Variants in CENPE observed in about 807,000 individuals in gnomAD.
CENPE encodes the protein centromere protein E.
CENPE carries 145 observed loss-of-function variants against 336.1 expected under a neutral mutation model. That is an observed-to-expected ratio of 0.43 (90% CI 0.38 to 0.50). The LOEUF is 0.50. CENPE is among the 20% of genes least tolerant of loss of function. The pLI, the probability that CENPE is intolerant of heterozygous loss-of-function variation, is 0.00. For missense variants in CENPE, 2,719 were observed against 3,023.3 expected, an observed-to-expected ratio of 0.90 and a Z score of 2.36; for synonymous variants, 1,013 against 984.8, an observed-to-expected ratio of 1.03 and a Z score of -0.54.
chr4:103,154,610 A>G (rs935437924), intron 24 of CENPE, among the ~76,000 whole-genome samples: 1 of 152,194 alleles, frequency 6.6e-6, no homozygotes, highest in Admixed American at 6.5e-5. Flanking sequence ...AGAATCTCAT[A>G]TCTTTCAAAT....
intron 8 of CENPE, among the ~76,000 whole-genome samples, chr4:103,187,783 A>G (rs1756923564): frequency 6.6e-6 from 1 of 152,230 alleles, no homozygotes; most frequent in South Asian, 2.1e-4. Flanking sequence ...GACAGGATCA[A>G]ATTCACACAT....
chr4:103,180,503 A>C (rs1756241725), intron 12 of CENPE, 34 bp from the exon 13 acceptor site: 1 of 1,474,440 alleles, frequency 6.8e-7, no homozygotes, highest in Admixed American at 2.0e-5. Context: ...TGTTAATAAT[A>C]AATGTGGCTA....
chr4:103,114,061 T>A (rs1228112639), intron 46 of CENPE, among the ~76,000 whole-genome samples: 2 of 152,152 alleles, frequency 1.3e-5, no homozygotes, highest in African/African-American at 4.8e-5. Flanking sequence ...AGTATTTATT[T>A]TTACTGTACA....
intron 46 of CENPE, among the ~76,000 whole-genome samples, chr4:103,113,774 G>C (rs1391253155): frequency 6.7e-6 from 1 of 149,554 alleles, no homozygotes; most frequent in Non-Finnish European, 1.5e-5. Flanking sequence ...TTATAAGTTA[G>C]AAGGTCAGGT....
At chr4:103,140,702 A>C in intron 36 of CENPE, 112 bp downstream of exon 36, 1 of 830,106 alleles carries the variant, frequency 1.2e-6, no homozygotes, top group East Asian at 2.5e-5. Flanking sequence ...TTATTGGTGG[A>C]CACTTAGATT....
At position 103,163,348 on chromosome 4, in the gene CENPE, T is replaced by C. The variant is rs768558555; in HGVS notation, c.1723-92A>G. The C allele has an allele frequency of 5.8e-4, 752 of 1,305,656 alleles. 2 individuals carry two copies. Among genetic ancestry groups the C allele is most frequent in the Non-Finnish European group, 7.3e-4 (687 of 939,294 alleles). The allele number at this position is 1,305,656 out of a possible 1,614,324, so 80.9% of individuals were successfully genotyped here. A position where few individuals can be genotyped will look rare whatever the true frequency, so the allele number is the denominator to read the frequency against. ...ACTTATATATATTAGTTTAAATTCA[T>C]AGTAAAATTCAAAGTCACTAATATT... On this transcript the variant is annotated intron_variant, in intron 17 of 48. Transcript: ENST00000265148.
At chr4:103,188,552 T>C (rs1244392691) in intron 8 of CENPE, among the ~76,000 whole-genome samples, 3 of 152,128 alleles carry the variant, frequency 2.0e-5, no homozygotes, top group Admixed American at 6.5e-5. Context: ...ACTGGGTACA[T>C]AACAAAATGA....
At chr4:103,153,277 A>C (rs1753707732) in intron 24 of CENPE, 27 bp from the exon 25 acceptor site, 3 of 1,476,926 alleles carry the variant, frequency 2.0e-6, no homozygotes. Context: ...TTACAGAAGA[A>C]TTTCTTAAGT....
At chr4:103,168,241 G>T (rs537989483) in intron 16 of CENPE, among the ~76,000 whole-genome samples, 8 of 152,096 alleles carry the variant, frequency 5.3e-5, no homozygotes, top group Admixed American at 1.3e-4. Context: ...GCTGCAGTCA[G>T]GAAGCTATCT....
chr4:103,185,935 T>C (rs1418484865), intron 8 of CENPE, 74 bp from the exon 9 acceptor site: 1 of 953,058 alleles, frequency 1.0e-6, no homozygotes, highest in African/African-American at 1.6e-5. Context: ...TGAAAGAACA[T>C]TTTTAATACA....
At chr4:103,188,594 T>C (rs181506525) in intron 8 of CENPE, among the ~76,000 whole-genome samples, 24,379 of 151,898 alleles carry the variant, frequency 0.16, 2,331 homozygotes, top group Non-Finnish European at 0.2. Context: ...TTGAAACCAA[T>C]GAGAACAAAG....
At chr4:103,166,415 A>T (rs1184305404) in intron 16 of CENPE, among the ~76,000 whole-genome samples, 1 of 152,210 alleles carries the variant, frequency 6.6e-6, no homozygotes, top group African/African-American at 2.4e-5. Context: ...AGTTTTATTG[A>T]TTAAAGTCCA....
intron 34 of CENPE, among the ~76,000 whole-genome samples, chr4:103,142,781 G>A (rs1302003284): frequency 2.6e-5 from 4 of 152,102 alleles, no homozygotes; most frequent in Admixed American, 6.5e-5. Context: ...AGGCCGAGGC[G>A]GGTGGATCAT....
intron 24 of CENPE, among the ~76,000 whole-genome samples, chr4:103,153,581 G>T (rs559248233): frequency 1.3e-5 from 2 of 152,226 alleles, no homozygotes; most frequent in African/African-American, 4.8e-5. Flanking sequence ...ATTAATAATT[G>T]TCTTCACGTA....
intron 8 of CENPE, among the ~76,000 whole-genome samples, chr4:103,187,406 A>C (rs1487664656): frequency 1.3e-5 from 2 of 152,190 alleles, no homozygotes; most frequent in Non-Finnish European, 2.9e-5. Context: ...GAGAAAGGTC[A>C]GGCTACCCAC....
Position 103,163,264 on chromosome 4 carries a change from A to G in CENPE, c.1723-8T>C, listed in dbSNP as rs1197985148. 19 of 1,601,380 alleles carry G rather than the reference A, an allele frequency of 1.2e-5. No individual in the cohort carries two copies. The Admixed American group carries it at 3.3e-4, about 28-fold the overall frequency. On this transcript the variant is annotated splice_polypyrimidine_tract_variant and splice_region_variant and intron_variant, in intron 17 of 48. Transcript: ENST00000265148. ...TTTTGAACTGAGTTCATTCTAAAAG[A>G]ATCAAAGGAGAGAGTAACAATTTAG...
chr4:103,131,598 C>T (rs1751594271), intron 42 of CENPE, among the ~76,000 whole-genome samples: 2 of 152,088 alleles, frequency 1.3e-5, no homozygotes, highest in African/African-American at 2.4e-5. Context: ...AATTGCATTC[C>T]TTGATATTTA....
intron 8 of CENPE, 132 bp downstream of exon 8, chr4:103,194,097 T>G: frequency 1.5e-6 from 1 of 670,376 alleles, no homozygotes; most frequent in Non-Finnish European, 2.6e-6. Context: ...CTGACAAGAC[T>G]AAGCAGACAA....
At chr4:103,128,757 T>TAC (rs1374436170) in intron 42 of CENPE, among the ~76,000 whole-genome samples, 2 of 152,172 alleles carry the variant, frequency 1.3e-5, no homozygotes, top group African/African-American at 4.8e-5. Context: ...TAGCATTGAA[T>TAC]ACCAGTATTA....
Sources: allele counts gnomAD v4.1 joint callset (sites outside exome capture counted in the v4.1 genomes callset), GRCh38; gene constraint gnomAD v4.1.1; transcripts MANE v1.5; gene names NCBI Gene and HGNC (gene_info 2026-07-23, HGNC 2026-07-21).